Variants in POM121 observed in about 807,000 individuals in gnomAD.
POM121 encodes the protein POM121 transmembrane nucleoporin, also known as nuclear envelope pore membrane protein POM 121.
POM121 carries 32 observed loss-of-function variants against 81.3 expected under a neutral mutation model. That is an observed-to-expected ratio of 0.39 (90% CI 0.30 to 0.53). The LOEUF is 0.53. Among genes scored for constraint, POM121 ranks in the 20% least tolerant of loss-of-function variants. POM121 has a pLI of 0.66. For synonymous variants in POM121, 514 were observed against 694.2 expected, an observed-to-expected ratio of 0.74 and a Z score of 4.08; for missense variants, 1,138 against 1,614.6, an observed-to-expected ratio of 0.70 and a Z score of 5.06.
chr7:72,916,812 C>A (rs1234851602), intron 4 of POM121, among the ~76,000 whole-genome samples: 31 of 152,122 alleles, frequency 2.0e-4, no homozygotes, highest in Admixed American at 1.9e-3. Flanking sequence ...GAATGTGTTT[C>A]CATTTGTTTG....
intron 3 of POM121, among the ~76,000 whole-genome samples, chr7:72,911,619 C>T (rs1431483645): frequency 4.6e-5 from 7 of 152,186 alleles, no homozygotes; most frequent in Non-Finnish European, 4.4e-5. Flanking sequence ...GATCTTCTTC[C>T]TCATTTCGTC....
At chr7:72,941,168 TGTTA>T (rs1435198528) in intron 10 of POM121, among the ~76,000 whole-genome samples, 175 bp downstream of exon 10, 2 of 149,014 alleles carry the variant, frequency 1.3e-5, no homozygotes, top group Non-Finnish European at 3.0e-5. Context: ...CATCAGGAAG[TGTTA>T]GAGAAGGGGT....
intron 3 of POM121, among the ~76,000 whole-genome samples, chr7:72,891,974 C>T (rs1308309850): frequency 5.3e-5 from 8 of 152,146 alleles, no homozygotes; most frequent in African/African-American, 1.9e-4. Flanking sequence ...TGATGTAGCG[C>T]TCCCTCAGCT....
At chr7:72,907,886 G>T (rs1420929900) in intron 3 of POM121, among the ~76,000 whole-genome samples, 1 of 152,178 alleles carries the variant, frequency 6.6e-6, no homozygotes, top group African/African-American at 2.4e-5. Context: ...GAGAGCGTTT[G>T]CTGTTGTCCC....
Position 72,925,214 on chromosome 7 carries a change from G to A in POM121, c.93G>A (p.Pro31=), listed in dbSNP as rs1554496874. Residue 31 remains proline, a synonymous_variant, in exon 1 of 13, where the codon CCG becomes CCA. Transcript: ENST00000434423. ...GCCGGGGCCGGGGCTGCGGCGGGCC[G>A]GCCAGGGCGGTGCTCCTGGGCCTGT... ...RDGRGRGCGG[P]ARAVLLGLSL... The A allele has an allele frequency of 1.3e-6, 2 of 1,529,098 alleles. No individual in the cohort carries two copies. Among genetic ancestry groups the A allele is most frequent in the East Asian group, 2.5e-5 (1 of 40,414 alleles). 94.7% of individuals were successfully genotyped at this position (1,529,098 alleles called of 1,614,324 possible).
chr7:72,890,187 G>A (rs1791160505), intron 1 of POM121, among the ~76,000 whole-genome samples: 2 of 152,162 alleles, frequency 1.3e-5, no homozygotes, highest in Admixed American at 6.5e-5. Flanking sequence ...GAGCCCCAGA[G>A]CAGTGAGTTA....
chr7:72,911,302 A>G (rs1179859507), intron 3 of POM121, among the ~76,000 whole-genome samples: 1 of 152,252 alleles, frequency 6.6e-6, no homozygotes, highest in Non-Finnish European at 1.5e-5. Flanking sequence ...TATTTTGAAC[A>G]GGGGTTTTAG....
chr7:72,950,093 G>A (rs371237700), downstream of POM121: 2 of 1,585,644 alleles, frequency 1.3e-6, no homozygotes, highest in Non-Finnish European at 1.7e-6. Context: ...GCCCGGTACA[G>A]TGGGTGTTCA....
intron 3 of POM121, among the ~76,000 whole-genome samples, chr7:72,894,631 G>GAGAGAGAGAGAA (rs1431712360): frequency 0.021 from 454 of 21,314 alleles, 46 homozygotes; most frequent in African/African-American, 0.033. Flanking sequence ...AGAGAGGAGA[G>GAGAGAGAGAGAA]AGAGAGAGAG....
rs782702181 is a variant in POM121 at position 72,946,161 on chromosome 7, T to A, written c.3677T>A (p.Ile1226Asn). 1 of 1,611,740 alleles carries A rather than the reference T, an allele frequency of 6.2e-7. No homozygotes were observed. Among genetic ancestry groups the A allele is most frequent in the Non-Finnish European group, 8.5e-7 (1 of 1,179,746 alleles). Residue 1226 changes from isoleucine to asparagine, a missense_variant, in exon 13 of 13, where the codon ATT becomes AAT. Physicochemically the swap from Ile to Asn is moderately radical, Grantham distance 149 (BLOSUM62 -3). This residue lies in a region of POM121 where 336 missense variants were observed against 344.3 expected (regional missense o/e 0.98). Transcript: ENST00000434423. Reference protein sequence around the residue: ...PFGSAALSFSIGAGSKTPGAR... With the variant: ...PFGSAALSFSNGAGSKTPGAR... ...GGATCGGCGGCCCTTTCATTTTCCA[T>A]TGGTGCGGGATCCAAGACCCCAGGG...
chr7:72,906,458 C>T (rs1461747252), intron 3 of POM121, among the ~76,000 whole-genome samples: 7 of 152,194 alleles, frequency 4.6e-5, no homozygotes, highest in Admixed American at 2.6e-4. Context: ...TCAGCAGCCT[C>T]TCCCTTCATT....
At position 72,946,309 on chromosome 7, in the gene POM121, GACCCTTCC is replaced by G; in HGVS notation, c.*77_*84del. On this transcript the variant is annotated 3_prime_UTR_variant, in exon 13 of 13. Coordinates refer to ENST00000434423, the MANE Select transcript of POM121 (RefSeq NM_001387691.1). ...TTGGCACCTGCTAGGAAGAGCCTTG[GACCCTTCC>G]AGTTGCGTAAAGCAAACCTACCCCG... The G allele has an allele frequency of 6.4e-7, 1 of 1,566,994 alleles. No individual in the cohort carries two copies. The highest frequency in any genetic ancestry group is 8.6e-7 in the Non-Finnish European group (1 of 1,157,572).
intron 3 of POM121, among the ~76,000 whole-genome samples, chr7:72,902,479 A>AT (rs1473128420): frequency 1.4e-5 from 2 of 147,470 alleles, no homozygotes; most frequent in Non-Finnish European, 3.0e-5. Flanking sequence ...AATAATTTCT[A>AT]TTTTTTTCCT....
intron 1 of POM121, among the ~76,000 whole-genome samples, chr7:72,889,478 G>T (rs1198334038): frequency 2.0e-5 from 3 of 152,090 alleles, no homozygotes; most frequent in Non-Finnish European, 4.4e-5. Flanking sequence ...CAAGGCAGGT[G>T]GATTGCTGGA....
chr7:72,941,706 A>G, intron 10 of POM121, 131 bp from the exon 11 acceptor site: 1 of 1,075,216 alleles, frequency 9.3e-7, no homozygotes, highest in Non-Finnish European at 1.3e-6. Flanking sequence ...TGTAGTGTAG[A>G]CTTAGCTGAG....
At chr7:72,916,779 G>A (rs1486888919) in intron 4 of POM121, among the ~76,000 whole-genome samples, 1 of 152,168 alleles carries the variant, frequency 6.6e-6, no homozygotes, top group Non-Finnish European at 1.5e-5. Flanking sequence ...TCACAATATT[G>A]ATTCTTCCTA....
chr7:72,916,106 C>T (rs1242580294), intron 4 of POM121, among the ~76,000 whole-genome samples: 1 of 152,162 alleles, frequency 6.6e-6, no homozygotes, highest in Non-Finnish European at 1.5e-5. Context: ...AAAATTTTCT[C>T]CCGTTCTGTA....
chr7:72,895,247 A>T (rs1191081411), intron 3 of POM121, among the ~76,000 whole-genome samples: 1 of 152,180 alleles, frequency 6.6e-6, no homozygotes. Flanking sequence ...ACTGCATTTC[A>T]TCTGTTTGTA....
At chr7:72,897,161 T>G (rs1792048166) in intron 3 of POM121, among the ~76,000 whole-genome samples, 1 of 150,058 alleles carries the variant, frequency 6.7e-6, no homozygotes, top group African/African-American at 2.5e-5. Context: ...CAAAAAATAA[T>G]AATAATAAAC....
Sources: gnomAD v4.1 joint callset for allele counts (sites outside exome capture counted in the v4.1 genomes callset) on GRCh38, gnomAD v4.1.1 for gene constraint, gnomAD v4.1.1 regional missense constraint, MANE v1.5 for transcripts, NCBI Gene and HGNC (gene_info 2026-07-23, HGNC 2026-07-21) for gene names.